USP6NL: variants seen among roughly 807,000 people sequenced by gnomAD.
USP6NL encodes USP6 N-terminal like, also known as USP6 N-terminal-like protein.
A neutral mutation model predicts 61.9 loss-of-function variants in USP6NL; 26 were observed. The ratio of observed to expected loss-of-function variants is 0.42; its 90% CI spans 0.31 to 0.58. The LOEUF (loss-of-function observed/expected upper bound fraction) is 0.58. USP6NL is among the 20% of genes least tolerant of loss of function. The probability of loss-of-function intolerance (pLI) is 0.16; values close to 1 mark genes in which losing one functional copy is unlikely to be tolerated. For synonymous variants in USP6NL, 432 were observed against 390.1 expected (o/e 1.11, Z -1.27); for missense variants, 1,114 against 1,034.3 (o/e 1.08, Z -1.06).
chr10:11,471,102 G>A lies in USP6NL; in HGVS notation c.1079-7253C>T, dbSNP rs142295676. 4.6e-3 allele frequency among the ~76,000 whole-genome samples: 694 copies of A among 152,216 alleles called. 4 individuals are homozygous for A. The highest frequency in any genetic ancestry group is 0.015 in the African/African-American group (610 of 41,534). ...TGAGAGGCTGAGGCAGAAGAATGGC[G>A]TGAACCCAGGAGGCGGAGCTTGCAG... On this transcript the variant is annotated intron_variant, in intron 14 of 14. Transcript: ENST00000609104.
chr10:11,540,399 C>G lies in USP6NL; in HGVS notation c.5-12832G>C, dbSNP rs947855215. Among the ~76,000 whole-genome samples the G allele has an allele frequency of 6.6e-6, 1 of 152,262 alleles. No individual in the cohort carries two copies. The highest frequency in any genetic ancestry group is 2.1e-4 in the South Asian group (1 of 4,826). On this transcript the variant is annotated intron_variant, in intron 2 of 14. Transcript: ENST00000609104. This position sits in a 1 kb window ranked among gnomAD's most constrained non-coding sequence, Gnocchi z 5.0. ...AATGACACTGAACTTTACTAAAACA[C>G]TTTATCCTTTTAGTATTACTAAAGC...
At position 11,562,700 on chromosome 10, in the gene USP6NL, T is replaced by C. The variant is rs893431092; in HGVS notation, c.4+34931A>G. 2.0e-6 allele frequency: 2 copies of C among 985,364 alleles called. No individual in the cohort carries two copies. The highest frequency in any genetic ancestry group is 1.7e-5 in the African/African-American group (1 of 57,252). The allele number at this position is 985,364 out of a possible 1,614,324, so 61.0% of individuals were successfully genotyped here. On this transcript the variant is annotated intron_variant, in intron 2 of 14. Transcript: ENST00000609104. This position sits in a 1 kb window ranked among gnomAD's most constrained non-coding sequence, Gnocchi z 4.8. Reference sequence around the variant, plus strand: ...CACTTGTATTTCTGTAACTTGTCTATTTTATCTGCCAAATTTTCACTTGTT... The same window carrying C: ...CACTTGTATTTCTGTAACTTGTCTACTTTATCTGCCAAATTTTCACTTGTT...
At chr10:11,526,726 G>A (rs1437548240) in intron 3 of USP6NL, among the ~76,000 whole-genome samples, 1 of 152,150 alleles carries the variant, frequency 6.6e-6, no homozygotes, top group African/African-American at 2.4e-5. Context: ...AGCAAGTGAT[G>A]CAAATACAAA....
chr10:11,561,081 T>G lies in USP6NL; in HGVS notation c.5-33514A>C, dbSNP rs1032234069. Among the ~76,000 whole-genome samples the G allele has an allele frequency of 2.0e-5, 3 of 152,178 alleles. No homozygotes were observed. The highest frequency in any genetic ancestry group is 4.4e-5 in the Non-Finnish European group (3 of 68,022). On this transcript the variant is annotated intron_variant, in intron 2 of 14. Transcript: ENST00000609104. The surrounding 1 kb of genome is among the most constrained non-coding windows in gnomAD (Gnocchi z 4.1). Reference sequence around the variant, plus strand: ...CTGAATATCTCATTAGGCCCTGAGTTGCAAAGAAAAAACATTTAGTATACT... The same window carrying G: ...CTGAATATCTCATTAGGCCCTGAGTGGCAAAGAAAAAACATTTAGTATACT...
intron 2 of USP6NL, among the ~76,000 whole-genome samples, chr10:11,542,794 A>G (rs1160718129): frequency 6.6e-6 from 1 of 152,152 alleles, no homozygotes; most frequent in Non-Finnish European, 1.5e-5. Context: ...GCAATGTTAC[A>G]ATAAAAAGTC....
rs79865847 is a variant in USP6NL, at chr10:11,493,276, G to A, written c.385-48C>T. The A allele has an allele frequency of 6.5e-3, 9,532 of 1,466,218 alleles. 666 individuals carry two copies. The East Asian group carries it at 0.17, about 26-fold the overall frequency. The allele number at this position is 1,466,218 out of a possible 1,614,324, so 90.8% of individuals were successfully genotyped here. A position where few individuals can be genotyped will look rare whatever the true frequency, so the allele number is the denominator to read the frequency against. On this transcript the variant is annotated intron_variant, in intron 7 of 14. Coordinates refer to ENST00000609104, the MANE Select transcript of USP6NL (RefSeq NM_014688.5). The stretch of plus-strand genomic sequence containing the variant: ...GAACAGATTTTTATGGAAATTAGTT[G>A]TTGAAAACTCTATGACAAATAATAA...
intron 6 of USP6NL, among the ~76,000 whole-genome samples, chr10:11,508,449 C>T (rs1834551577): frequency 1.3e-5 from 2 of 152,048 alleles, no homozygotes; most frequent in Admixed American, 6.6e-5. Context: ...ACTTTTGCAC[C>T]GATCATAAAA....
intron 7 of USP6NL, among the ~76,000 whole-genome samples, chr10:11,494,772 T>A (rs1241437210): frequency 2.6e-5 from 4 of 152,186 alleles, no homozygotes; most frequent in Non-Finnish European, 1.5e-5. Flanking sequence ...CCATTATTTC[T>A]GCTTATTAGA....
Position 11,470,111 on chromosome 10 carries a change from G to C in USP6NL, c.1079-6262C>G, listed in dbSNP as rs1258058130. Among the ~76,000 whole-genome samples the C allele has an allele frequency of 6.6e-6, 1 of 152,216 alleles. No individual in the cohort carries two copies. Among genetic ancestry groups the C allele is most frequent in the East Asian group, 1.9e-4 (1 of 5,202 alleles). On this transcript the variant is annotated intron_variant, in intron 14 of 14. Coordinates refer to ENST00000609104, the MANE Select transcript of USP6NL (RefSeq NM_014688.5). The surrounding 1 kb of genome is among the most constrained non-coding windows in gnomAD (Gnocchi z 5.4). ...TGCCTCTCATGAGGAGGAGAAGCAA[G>C]AAGGGGCGGAGACAGTGAAGGAGAG...
At chr10:11,517,938 G>T (rs1010480928) in intron 5 of USP6NL, among the ~76,000 whole-genome samples, 1 of 152,124 alleles carries the variant, frequency 6.6e-6, no homozygotes, top group Non-Finnish European at 1.5e-5. Context: ...AAAACATTCC[G>T]TCACTACTTC....
Position 11,485,234 on chromosome 10 carries a change from C to T in USP6NL, c.760G>A (p.Asp254Asn). 1.3e-6 allele frequency: 2 copies of T among 1,519,784 alleles called. No individual in the cohort carries two copies. Among genetic ancestry groups the T allele is most frequent in the Non-Finnish European group, 8.8e-7 (1 of 1,138,706 alleles). 94.1% of individuals were successfully genotyped at this position (1,519,784 alleles called of 1,614,324 possible). A position where few individuals can be genotyped will look rare whatever the true frequency, so the allele number is the denominator to read the frequency against. ...KFLSKLKQHLDSQEIYTSFYT... is the reference protein window; with the variant it reads ...KFLSKLKQHLNSQEIYTSFYT... ...AAACTTGTGTAGATTTCTTGAGAAT[C>T]CTGAAAAAACAAAGAGCTCACAATT... Residue 254 changes from aspartate (D) to asparagine (N), a missense_variant and splice_region_variant, in exon 12 of 15, where the codon GAT becomes AAT. Transcript: ENST00000609104. The surrounding 1 kb of genome is among the most constrained non-coding windows in gnomAD (Gnocchi z 4.8).
At chr10:11,472,449 G>A (rs956218476) in intron 14 of USP6NL, among the ~76,000 whole-genome samples, 1 of 152,184 alleles carries the variant, frequency 6.6e-6, no homozygotes, top group Admixed American at 6.5e-5. Context: ...CTAAGTGCTC[G>A]CTCTGTGAGC....
rs1834714770 is a variant in USP6NL at position 11,511,552 on chromosome 10, C to T, written c.196-1877G>A. 6.6e-6 allele frequency among the ~76,000 whole-genome samples: 1 copy of T among 152,168 alleles called. No homozygotes were observed. The highest frequency in any genetic ancestry group is 2.4e-5 in the African/African-American group (1 of 41,434). On this transcript the variant is annotated intron_variant, in intron 5 of 14. Transcript: ENST00000609104. This position sits in a 1 kb window ranked among gnomAD's most constrained non-coding sequence, Gnocchi z 4.9. ...GCCAACCCAAGAGTATAACAACATA[C>T]ACTTTGCCAGGAACAACCCTGCTGA...
intron 2 of USP6NL, among the ~76,000 whole-genome samples, chr10:11,554,915 T>G (rs1555171001): frequency 6.8e-6 from 1 of 146,368 alleles, no homozygotes; most frequent in Non-Finnish European, 1.5e-5. Context: ...TTCTCCTGCC[T>G]CAGCCTCCTG....
rs1337827769 is a variant in USP6NL, at chr10:11,463,781, G to A, written c.1147C>T (p.His383Tyr). The change falls in exon 15 of 15, where the codon CAT becomes TAT. Residue 383 changes from histidine to tyrosine, a missense_variant. His to Tyr is a moderately conservative substitution (Grantham distance 83). Coordinates refer to ENST00000609104, the MANE Select transcript of USP6NL (RefSeq NM_014688.5). This position sits in a 1 kb window ranked among gnomAD's most constrained non-coding sequence, Gnocchi z 6.3. Reference sequence around the variant, plus strand: ...CTCCTCTGTCCGTTGCTCAAGTGATGGACGCCCCAAGACTGAAGTTCAGGT... The same window carrying A: ...CTCCTCTGTCCGTTGCTCAAGTGATAGACGCCCCAAGACTGAAGTTCAGGT... ...LPPELQSWGV[H>Y]HLSNGQRSVG... The A allele has an allele frequency of 1.3e-6, 2 of 1,530,700 alleles. No individual in the cohort carries two copies. Among genetic ancestry groups the A allele is most frequent in the East Asian group, 4.7e-5 (2 of 42,330 alleles). The allele number at this position is 1,530,700 out of a possible 1,614,324, so 94.8% of individuals were successfully genotyped here.
intron 1 of USP6NL, among the ~76,000 whole-genome samples, chr10:11,603,481 T>C (rs997327447): frequency 6.6e-6 from 1 of 152,232 alleles, no homozygotes. Context: ...ATATATCTGG[T>C]GTTCAGGAGT....
chr10:11,473,008 A>C (rs1375027066), intron 14 of USP6NL, among the ~76,000 whole-genome samples: 4 of 152,216 alleles, frequency 2.6e-5, no homozygotes, highest in Non-Finnish European at 4.4e-5. Context: ...TAAATGTAAC[A>C]TCATTTTACA....
At chr10:11,603,192 T>C (rs1158619516) in intron 1 of USP6NL, among the ~76,000 whole-genome samples, 1 of 152,178 alleles carries the variant, frequency 6.6e-6, no homozygotes, top group Non-Finnish European at 1.5e-5. Context: ...AGGCATGAGA[T>C]AAGAATGAGG....
intron 1 of USP6NL, among the ~76,000 whole-genome samples, chr10:11,604,190 CT>C (rs2133687792): frequency 6.6e-6 from 1 of 152,194 alleles, no homozygotes; most frequent in Admixed American, 6.5e-5. Flanking sequence ...CACGTTAGTA[CT>C]GATCCATTTT....
Sources: allele counts gnomAD v4.1 joint callset (sites outside exome capture counted in the v4.1 genomes callset), GRCh38; gene constraint gnomAD v4.1.1; non-coding constraint Gnocchi (gnomAD v3.1); transcripts MANE v1.5; gene names NCBI Gene and HGNC (gene_info 2026-07-23, HGNC 2026-07-21).